ACOT7: variants seen among roughly 807,000 people sequenced by gnomAD.
ACOT7 encodes the protein cytosolic acyl coenzyme A thioester hydrolase.
A neutral mutation model predicts 40.2 loss-of-function variants in ACOT7; 12 were observed. That is an observed-to-expected ratio of 0.30 (90% CI 0.19 to 0.48). The LOEUF is 0.48. Among genes scored for constraint, ACOT7 ranks in the 20% least tolerant of loss-of-function variants. The probability of loss-of-function intolerance (pLI) is 0.99; values close to 1 mark genes in which losing one functional copy is unlikely to be tolerated. For synonymous variants in ACOT7, 228 were observed against 219.5 expected (o/e 1.04, Z -0.34); for missense variants, 395 against 530.8 (o/e 0.74, Z 2.51).
Position 6,294,972 on chromosome 1 carries a change from T to C in ACOT7, c.721A>G (p.Met241Val). Reference protein sequence around the residue: ...LHGFVHGGVTMKLMDEVAGIV... With the variant: ...LHGFVHGGVTVKLMDEVAGIV... ...CCGGCGACCTCATCCATGAGCTTCA[T>C]GGTCACACCTGCGGAGAAAGGGACA... The change falls in exon 7 of 9, where the codon ATG (methionine) becomes GTG (valine). Residue 241 changes from methionine to valine, a missense_variant. By Grantham distance (21) the Met-to-Val change is conservative. Transcript: ENST00000361521. This position sits in a 1 kb window ranked among gnomAD's most constrained non-coding sequence, Gnocchi z 4.6. The C allele has an allele frequency of 6.2e-7, 1 of 1,613,014 alleles. No individual in the cohort carries two copies. The highest frequency in any genetic ancestry group is 1.1e-5 in the South Asian group (1 of 91,064).
chr1:6,365,192 G>T (rs1225695858), intron 1 of ACOT7, among the ~76,000 whole-genome samples: 2 of 152,230 alleles, frequency 1.3e-5, no homozygotes, highest in Non-Finnish European at 2.9e-5. Flanking sequence ...ATCAGAGGTT[G>T]CCTGGGGGCA....
Position 6,288,412 on chromosome 1 carries a change from G to A in ACOT7, c.829+6452C>T, listed in dbSNP as rs965961872. 2.0e-5 allele frequency among the ~76,000 whole-genome samples: 3 copies of A among 152,246 alleles called. No individual in the cohort carries two copies. The highest frequency in any genetic ancestry group is 4.4e-5 in the Non-Finnish European group (3 of 68,046). ...CTGCTAAGGACCCCGTAGGTGCTTG[G>A]CCGGGCTAGTTGGCGCAAAGGTGTA... On this transcript the variant is annotated intron_variant, in intron 7 of 8. Transcript: ENST00000361521. The surrounding 1 kb of genome is among the most constrained non-coding windows in gnomAD (Gnocchi z 4.3).
chr1:6,282,979 G>A lies in ACOT7; in HGVS notation c.830-1693C>T. On this transcript the variant is annotated intron_variant, in intron 7 of 8. Transcript: ENST00000361521. The surrounding 1 kb of genome is among the most constrained non-coding windows in gnomAD (Gnocchi z 4.5). ...CAGCCCACATCCCTCACCAACAATTGTGTATAACACTTGGGAGTCACAGGC... is the reference window on the plus strand; with the variant it reads ...CAGCCCACATCCCTCACCAACAATTATGTATAACACTTGGGAGTCACAGGC... 2.1e-6 allele frequency: 1 copy of A among 465,532 alleles called. No individual in the cohort carries two copies. Among genetic ancestry groups the A allele is most frequent in the Non-Finnish European group, 4.4e-6 (1 of 225,264 alleles). The allele number at this position is 465,532 out of a possible 1,614,324, so 28.8% of individuals were successfully genotyped here. A position where few individuals can be genotyped will look rare whatever the true frequency, so the allele number is the denominator to read the frequency against.
chr1:6,315,762 A>C (rs1365690298), intron 6 of ACOT7, among the ~76,000 whole-genome samples: 24 of 150,012 alleles, frequency 1.6e-4, no homozygotes, highest in African/African-American at 5.5e-4. Context: ...CTAAAAAAAA[A>C]AAAAAAAAAA....
chr1:6,266,924 C>T (rs1195053191), intron 8 of ACOT7, among the ~76,000 whole-genome samples: 1 of 152,204 alleles, frequency 6.6e-6, no homozygotes, highest in African/African-American at 2.4e-5. Context: ...GCTGTGGCAG[C>T]CCTGGGAGAC....
In ACOT7 at chr1:6,322,882, G is replaced by T. The variant is rs560815989; in HGVS notation, c.626-4304C>A. ...GCAGTGGCTCATGCCTGTAATCCTA[G>T]CACTTTGGGAGGCTGAGGCAGGTGG... On this transcript the variant is annotated intron_variant, in intron 5 of 8. Transcript: ENST00000361521. Among the ~76,000 whole-genome samples the T allele has an allele frequency of 3.9e-5, 6 of 152,214 alleles. No individual in the cohort carries two copies. The South Asian group carries it at 1.2e-3, about 32-fold the overall frequency.
At position 6,352,039 on chromosome 1, in the gene ACOT7, T is replaced by C. The variant is rs1641606457; in HGVS notation, c.144-2173A>G. Among the ~76,000 whole-genome samples the C allele has an allele frequency of 6.6e-6, 1 of 152,144 alleles. No homozygotes were observed. The highest frequency in any genetic ancestry group is 2.1e-4 in the South Asian group (1 of 4,832). On this transcript the variant is annotated intron_variant, in intron 1 of 8. Coordinates refer to ENST00000361521, the MANE Select transcript of ACOT7 (RefSeq NM_007274.4). This position sits in a 1 kb window ranked among gnomAD's most constrained non-coding sequence, Gnocchi z 4.5. ...GCACGCCAGCTGGCTACCACGGGCC[T>C]GGCCGCCTTTCTTCGGCACCTTGGG...
chr1:6,287,506 ATCAAG>A (rs1639537608), intron 7 of ACOT7, among the ~76,000 whole-genome samples: 1 of 152,254 alleles, frequency 6.6e-6, no homozygotes, highest in Non-Finnish European at 1.5e-5. Flanking sequence ...AATGCCTGGC[ATCAAG>A]TGTGTCATAT....
At chr1:6,302,136 G>A (rs2148403292) in intron 6 of ACOT7, among the ~76,000 whole-genome samples, 1 of 152,280 alleles carries the variant, frequency 6.6e-6, no homozygotes, top group South Asian at 2.1e-4. Flanking sequence ...CGAGCGGTGG[G>A]AAATCAGGAC....
chr1:6,335,288 T>C (rs947671523), intron 3 of ACOT7, among the ~76,000 whole-genome samples: 30 of 135,526 alleles, frequency 2.2e-4, no homozygotes, highest in Non-Finnish European at 4.1e-4. Context: ...GATGGCGCCA[T>C]TGCACTCTAG....
chr1:6,333,631 G>T, intron 3 of ACOT7, 63 bp from the exon 4 acceptor site: 1 of 1,541,006 alleles, frequency 6.5e-7, no homozygotes, highest in Non-Finnish European at 9.0e-7. Context: ...TGAGCGTCCA[G>T]GCACGTGGCA....
intron 3 of ACOT7, among the ~76,000 whole-genome samples, chr1:6,336,123 G>T (rs894109300): frequency 2.0e-5 from 3 of 152,074 alleles, no homozygotes; most frequent in Non-Finnish European, 4.4e-5. Flanking sequence ...GAGGCAGGCG[G>T]ATCACGAGCT....
In ACOT7 at chr1:6,274,595, T is replaced by C. The variant is rs1639136130; in HGVS notation, c.1014+6507A>G. Among the ~76,000 whole-genome samples, 1 of 152,200 alleles carries C rather than the reference T, an allele frequency of 6.6e-6. No homozygotes were observed. Among genetic ancestry groups the C allele is most frequent in the Non-Finnish European group, 1.5e-5 (1 of 68,008 alleles). On this transcript the variant is annotated intron_variant, in intron 8 of 8. Coordinates refer to ENST00000361521, the MANE Select transcript of ACOT7 (RefSeq NM_007274.4). The surrounding 1 kb of genome is among the most constrained non-coding windows in gnomAD (Gnocchi z 5.9). ...AGCAGCAGAAGCGAGGTGGGCACCA[T>C]GTTCCAGAGCCTTCTGAAAGTTGTG... is the stretch of plus-strand genomic sequence containing the variant.
chr1:6,285,716 C>G (rs1639482940), intron 7 of ACOT7, among the ~76,000 whole-genome samples: 1 of 152,222 alleles, frequency 6.6e-6, no homozygotes, highest in Admixed American at 6.5e-5. Flanking sequence ...AAGGCAGAGG[C>G]AGGGCCCGAC....
chr1:6,333,450 A>G, intron 4 of ACOT7, 27 bp downstream of exon 4: 1 of 1,612,786 alleles, frequency 6.2e-7, no homozygotes, highest in South Asian at 1.1e-5. Flanking sequence ...ATCTGCCCCC[A>G]AGAGAGAAGT....
intron 6 of ACOT7, among the ~76,000 whole-genome samples, chr1:6,302,491 C>T (rs1355006713): frequency 2.6e-5 from 4 of 152,168 alleles, no homozygotes; most frequent in Middle Eastern, 3.4e-3. Context: ...CCCGAGAAGA[C>T]GGACCTGGCG....
intron 1 of ACOT7, chr1:6,360,824 G>C (rs1162318745): frequency 7.3e-7 from 1 of 1,370,024 alleles, no homozygotes; most frequent in East Asian, 2.5e-5. Context: ...GGTGTGCTAG[G>C]CCCACCACCC....
intron 1 of ACOT7, among the ~76,000 whole-genome samples, chr1:6,384,271 C>A (rs1557676009): frequency 6.6e-6 from 1 of 151,808 alleles, no homozygotes; most frequent in East Asian, 1.9e-4. Context: ...GTATCATCTT[C>A]TCTCATTAGG....
intron 3 of ACOT7, among the ~76,000 whole-genome samples, chr1:6,339,227 C>T (rs868465343): frequency 5.3e-5 from 8 of 152,212 alleles, no homozygotes; most frequent in African/African-American, 1.2e-4. Flanking sequence ...TAACTGAACT[C>T]GTTTCCTAAC....
Sources: allele counts gnomAD v4.1 joint callset (sites outside exome capture counted in the v4.1 genomes callset), GRCh38; gene constraint gnomAD v4.1.1; non-coding constraint Gnocchi (gnomAD v3.1); transcripts MANE v1.5; gene names NCBI Gene and HGNC (gene_info 2026-07-23, HGNC 2026-07-21).